Variants in RBL1 observed in about 807,000 individuals in gnomAD.
The protein encoded by RBL1 is RB transcriptional corepressor like 1.
A neutral mutation model predicts 123.0 loss-of-function variants in RBL1; 82 were observed. The observed-to-expected ratio is 0.67, with a 90% CI of 0.56 to 0.80. The LOEUF is 0.80. Ranked by LOEUF, RBL1 falls within the 30% of genes least tolerant of loss-of-function variation. The pLI, the probability that RBL1 is intolerant of heterozygous loss-of-function variation, is 0.00. For synonymous variants in RBL1, 405 were observed against 441.3 expected (o/e 0.92, Z 1.03); for missense variants, 1,171 against 1,299.6 (o/e 0.90, Z 1.52).
chr20:37,050,477 G>A (rs145481801), intron 11 of RBL1, among the ~76,000 whole-genome samples: 1,794 of 146,288 alleles, frequency 0.012, 42 homozygotes, highest in African/African-American at 0.043. Flanking sequence ...CCTGGGAGGC[G>A]GAGCTTGCAG....
Position 37,095,963 on chromosome 20 carries a change from C to T in RBL1, c.-35G>A. On this transcript the variant is annotated 5_prime_UTR_variant, in exon 1 of 22. Coordinates refer to ENST00000373664, the MANE Select transcript of RBL1 (RefSeq NM_002895.5). ...CCCCGCGGGCTGCGCGCCACGGCCCCCGACTTCTTTCTCCCTCCCAGGCGC... is the reference window on the plus strand; with the variant it reads ...CCCCGCGGGCTGCGCGCCACGGCCCTCGACTTCTTTCTCCCTCCCAGGCGC... The T allele has an allele frequency of 1.4e-6, 2 of 1,459,650 alleles. No homozygotes were observed. Among genetic ancestry groups the T allele is most frequent in the Non-Finnish European group, 1.8e-6 (2 of 1,096,344 alleles). The allele number at this position is 1,459,650 out of a possible 1,614,324, so 90.4% of individuals were successfully genotyped here.
intron 20 of RBL1, among the ~76,000 whole-genome samples, chr20:37,005,860 T>C (rs1393228547): frequency 6.6e-6 from 1 of 151,136 alleles, no homozygotes; most frequent in African/African-American, 2.4e-5. Context: ...CTGCAGCTTC[T>C]GCTAGGGCCT....
At chr20:37,061,978 T>C (rs1412403589) in intron 8 of RBL1, 106 bp downstream of exon 8, 3 of 1,267,884 alleles carry the variant, frequency 2.4e-6, no homozygotes, top group South Asian at 1.7e-5. Context: ...TATGAATTAG[T>C]AGAAGAAGCT....
intron 14 of RBL1, among the ~76,000 whole-genome samples, chr20:37,038,601 T>C (rs1193578230): frequency 7.0e-6 from 1 of 142,968 alleles, no homozygotes; most frequent in Non-Finnish European, 1.5e-5. Flanking sequence ...GCCTGGCCTT[T>C]TTTTTTTTTT....
chr20:37,092,801 T>C (rs2065669220), intron 1 of RBL1, among the ~76,000 whole-genome samples: 1 of 152,100 alleles, frequency 6.6e-6, no homozygotes. Flanking sequence ...CTGACTTTCT[T>C]TCCTTAAAAA....
chr20:37,043,425 A>G (rs1027059518), intron 13 of RBL1, among the ~76,000 whole-genome samples: 1 of 151,556 alleles, frequency 6.6e-6, no homozygotes, highest in Admixed American at 6.6e-5. Flanking sequence ...TGGGAGGCAG[A>G]CGTTGCAGTG....
chr20:37,088,983 G>A lies in RBL1; in HGVS notation c.290+6C>T, dbSNP rs2065601828. On this transcript the variant is annotated splice_donor_region_variant and intron_variant, in intron 2 of 21. Transcript: ENST00000373664. Reference sequence around the variant, plus strand: ...TATAACATTTAAAAACATCAAAGAGGTTTACCTTAATTTAGCTGAACGTAG... The same window carrying A: ...TATAACATTTAAAAACATCAAAGAGATTTACCTTAATTTAGCTGAACGTAG... The A allele has an allele frequency of 1.3e-6, 2 of 1,571,348 alleles. No individual in the cohort carries two copies. The highest frequency in any genetic ancestry group is 1.4e-5 in the African/African-American group (1 of 73,440).
intron 21 of RBL1, 108 bp from the exon 22 acceptor site, chr20:36,999,037 A>T: frequency 9.6e-7 from 1 of 1,038,528 alleles, no homozygotes. Context: ...TCCAAATCTT[A>T]ACACTGGGAT....
chr20:37,018,167 G>T, intron 19 of RBL1, 112 bp downstream of exon 19: 1 of 1,232,708 alleles, frequency 8.1e-7, no homozygotes, highest in Non-Finnish European at 1.1e-6. Context: ...CATATGCATT[G>T]TCCACCTCAC....
rs543244847 is a variant in RBL1, at chr20:37,092,436, G to C, written c.157-3314C>G. Among the ~76,000 whole-genome samples the C allele has an allele frequency of 2.6e-5, 4 of 152,124 alleles. No individual in the cohort carries two copies. In the East Asian group the frequency reaches 7.7e-4, roughly 29 times the overall value. On this transcript the variant is annotated intron_variant, in intron 1 of 21. Transcript: ENST00000373664. ...ACTGCAGTCTTGACTTCCCAGGAAT[G>C]AGGGCCACTGCAGCCTCGACCTCCC...
chr20:37,035,127 A>AAT, intron 15 of RBL1, 115 bp downstream of exon 15: 2 of 1,052,544 alleles, frequency 1.9e-6, no homozygotes, highest in East Asian at 2.6e-5. Flanking sequence ...AAAAAAAAAA[A>AAT]GTATAGGTTC....
chr20:37,080,616 G>A (rs6124608), intron 2 of RBL1, among the ~76,000 whole-genome samples: 20,653 of 151,264 alleles, frequency 0.14, 2,157 homozygotes, highest in East Asian at 0.48. Flanking sequence ...CCACCATTGC[G>A]CCCAGCAAAT....
intron 16 of RBL1, among the ~76,000 whole-genome samples, chr20:37,027,342 A>G (rs921268479): frequency 2.0e-4 from 31 of 152,194 alleles, no homozygotes; most frequent in Non-Finnish European, 1.0e-4. Flanking sequence ...CTGTCTCAAA[A>G]TAATAATAAA....
At chr20:37,072,047 C>A (rs1229242629) in intron 2 of RBL1, among the ~76,000 whole-genome samples, 1 of 152,190 alleles carries the variant, frequency 6.6e-6, no homozygotes, top group East Asian at 1.9e-4. Flanking sequence ...TCTGGACATG[C>A]TGATATAATC....
chr20:37,069,855 A>G (rs1287387459), intron 2 of RBL1, among the ~76,000 whole-genome samples: 3 of 149,596 alleles, frequency 2.0e-5, no homozygotes, highest in Admixed American at 1.3e-4. Context: ...TGGGGGGGTC[A>G]GCCCCCCGCC....
intron 11 of RBL1, among the ~76,000 whole-genome samples, chr20:37,050,062 C>CAA (rs777482512): frequency 5.8e-4 from 40 of 68,692 alleles, no homozygotes; most frequent in African/African-American, 1.8e-3. Flanking sequence ...AACTCCATCT[C>CAA]AAAAAAAAAA....
chr20:37,094,233 A>C (rs1465195905), intron 1 of RBL1, among the ~76,000 whole-genome samples: 1 of 152,190 alleles, frequency 6.6e-6, no homozygotes, highest in East Asian at 1.9e-4. Context: ...AGAGAGACCA[A>C]ATCAGACCTA....
At chr20:37,017,951 A>C (rs1300553367) in intron 19 of RBL1, among the ~76,000 whole-genome samples, 3 of 152,088 alleles carry the variant, frequency 2.0e-5, no homozygotes, top group Admixed American at 2.0e-4. Flanking sequence ...TTTTCTTAAC[A>C]GACTCCTCGG....
chr20:37,028,760 T>A (rs2064461869), intron 16 of RBL1, among the ~76,000 whole-genome samples: 1 of 152,166 alleles, frequency 6.6e-6, no homozygotes, highest in Non-Finnish European at 1.5e-5. Flanking sequence ...ATAAGTTAGA[T>A]CTGAAAACAG....
Sources: gnomAD v4.1 joint callset for allele counts (sites outside exome capture counted in the v4.1 genomes callset) on GRCh38, gnomAD v4.1.1 for gene constraint, MANE v1.5 for transcripts, NCBI Gene and HGNC (gene_info 2026-07-23, HGNC 2026-07-21) for gene names.